AGBL4: variants seen among roughly 807,000 people sequenced by gnomAD.
AGBL4 encodes the protein AGBL carboxypeptidase 4.
Under a neutral mutation model 66.4 loss-of-function variants are expected in AGBL4, and 58 were observed. The observed-to-expected ratio is 0.87, with a 90% CI of 0.71 to 1.09. The LOEUF (loss-of-function observed/expected upper bound fraction) is 1.09, where lower values mean the gene tolerates loss of function less well. Among genes scored for constraint, AGBL4 ranks in the 50% least tolerant of loss-of-function variants. The probability of loss-of-function intolerance (pLI) is 0.00; values close to 1 mark genes in which losing one functional copy is unlikely to be tolerated. For synonymous variants in AGBL4, 234 were observed against 222.9 expected (o/e 1.05, Z -0.44); for missense variants, 579 against 631.0 (o/e 0.92, Z 0.88).
At chr1:49,288,364 T>TAA (rs759631339) in intron 3 of AGBL4, among the ~76,000 whole-genome samples, 12 of 132,738 alleles carry the variant, frequency 9.0e-5, no homozygotes, top group African/African-American at 3.3e-4. Flanking sequence ...TAAAGTATAA[T>TAA]AAAAAAAAAA....
intron 6 of AGBL4, among the ~76,000 whole-genome samples, chr1:48,746,889 G>A (rs914716704): frequency 1.3e-4 from 20 of 152,158 alleles, no homozygotes; most frequent in African/African-American, 3.1e-4. Context: ...TCAACAGAGC[G>A]CAATGTTTAG....
chr1:49,560,466 G>T (rs1319703624), intron 3 of AGBL4, among the ~76,000 whole-genome samples: 1 of 152,050 alleles, frequency 6.6e-6, no homozygotes, highest in Non-Finnish European at 1.5e-5. Flanking sequence ...CACACCTAAA[G>T]ATTCTAGAAA....
chr1:49,738,958 A>G (rs1233953271), intron 2 of AGBL4, among the ~76,000 whole-genome samples: 1 of 152,216 alleles, frequency 6.6e-6, no homozygotes, highest in East Asian at 1.9e-4. Context: ...ATGGGGAAAA[A>G]ACAGAGCAGA....
chr1:48,812,763 T>C (rs1330889856), intron 6 of AGBL4, among the ~76,000 whole-genome samples: 1 of 152,026 alleles, frequency 6.6e-6, no homozygotes, highest in Non-Finnish European at 1.5e-5. Flanking sequence ...ATATACACCA[T>C]GGAATACTAT....
At chr1:49,259,944 T>G (rs1358445330) in intron 3 of AGBL4, among the ~76,000 whole-genome samples, 3 of 151,432 alleles carry the variant, frequency 2.0e-5, no homozygotes, top group Non-Finnish European at 4.4e-5. Flanking sequence ...GAACAGAGAT[T>G]ATAACAAACT....
chr1:48,904,720 T>G (rs1652418257), intron 5 of AGBL4, among the ~76,000 whole-genome samples: 1 of 152,196 alleles, frequency 6.6e-6, no homozygotes, highest in Non-Finnish European at 1.5e-5. Context: ...TAGCATGAGG[T>G]CAGTGCTCAA....
chr1:49,358,059 T>G (rs931073885), intron 3 of AGBL4, among the ~76,000 whole-genome samples: 32 of 152,142 alleles, frequency 2.1e-4, no homozygotes, highest in Non-Finnish European at 4.0e-4. Context: ...GCAACCAGAG[T>G]AGCCAGTTTC....
At chr1:49,204,198 T>A (rs1305865269) in intron 4 of AGBL4, among the ~76,000 whole-genome samples, 2 of 152,156 alleles carry the variant, frequency 1.3e-5, no homozygotes, top group African/African-American at 4.8e-5. Flanking sequence ...GAACCAAATC[T>A]TGGCAGGCTG....
chr1:49,851,533 T>C lies in AGBL4; in HGVS notation c.35-15A>G. ...CATATCATTGCCTATTTAAAAAAAT[T>C]GAAATAAAAGTCAAAGTATATTCGG... On this transcript the variant is annotated splice_polypyrimidine_tract_variant and intron_variant, in intron 1 of 13. Transcript: ENST00000371839. 6.5e-7 allele frequency: 1 copy of C among 1,544,132 alleles called. No homozygotes were observed. Among genetic ancestry groups the C allele is most frequent in the Non-Finnish European group, 8.7e-7 (1 of 1,144,160 alleles).
At chr1:48,853,855 G>A (rs1385994827) in intron 6 of AGBL4, among the ~76,000 whole-genome samples, 1 of 152,062 alleles carries the variant, frequency 6.6e-6, no homozygotes, top group Admixed American at 6.6e-5. Context: ...ACAGACTTAT[G>A]CTGCTGCAGA....
intron 3 of AGBL4, among the ~76,000 whole-genome samples, chr1:49,487,564 GT>G (rs1203497422): frequency 6.6e-6 from 1 of 151,756 alleles, no homozygotes; most frequent in East Asian, 1.9e-4. Flanking sequence ...CTCTCACTCC[GT>G]CCTGCTGCCC....
chr1:49,488,198 G>A (rs1167302), intron 3 of AGBL4, among the ~76,000 whole-genome samples: 103,139 of 151,342 alleles, frequency 0.68, 35,947 homozygotes, highest in African/African-American at 0.77. Flanking sequence ...AAAGTTTTTC[G>A]TATAATCACC....
At chr1:49,435,071 A>C (rs1333948438) in intron 3 of AGBL4, among the ~76,000 whole-genome samples, 1 of 152,096 alleles carries the variant, frequency 6.6e-6, no homozygotes, top group Non-Finnish European at 1.5e-5. Context: ...GCCTTTCCTG[A>C]GTACTTCCTA....
At chr1:49,777,811 A>C (rs1644236436) in intron 2 of AGBL4, among the ~76,000 whole-genome samples, 1 of 152,220 alleles carries the variant, frequency 6.6e-6, no homozygotes, top group African/African-American at 2.4e-5. Flanking sequence ...GTGAAACAGT[A>C]ATTTAACTGG....
At chr1:48,646,195 C>T (rs982540416) in intron 8 of AGBL4, among the ~76,000 whole-genome samples, 1 of 152,052 alleles carries the variant, frequency 6.6e-6, no homozygotes, top group East Asian at 1.9e-4. Context: ...TGGCCTGGAT[C>T]GGGCACTGGA....
chr1:49,988,550 C>G (rs1659691693), intron 1 of AGBL4, among the ~76,000 whole-genome samples: 1 of 152,132 alleles, frequency 6.6e-6, no homozygotes, highest in African/African-American at 2.4e-5. Context: ...GAAAGGCATG[C>G]CTGCATGAAG....
chr1:49,952,130 A>G (rs1656212158), intron 1 of AGBL4, among the ~76,000 whole-genome samples: 1 of 151,904 alleles, frequency 6.6e-6, no homozygotes, highest in South Asian at 2.1e-4. Context: ...ACTGAATTTC[A>G]CACCTAAAAA....
chr1:48,888,281 A>G, intron 5 of AGBL4, among the ~76,000 whole-genome samples: 1 of 152,312 alleles, frequency 6.6e-6, no homozygotes, highest in African/African-American at 2.4e-5. Flanking sequence ...TGCTTTCTGC[A>G]TGTCAATGGG....
intron 1 of AGBL4, among the ~76,000 whole-genome samples, chr1:49,972,859 G>A (rs1299586490): frequency 6.6e-6 from 1 of 152,178 alleles, no homozygotes; most frequent in Non-Finnish European, 1.5e-5. Flanking sequence ...ATCCCCCACA[G>A]ATAAAGGGGG....
Sources: allele counts gnomAD v4.1 joint callset (sites outside exome capture counted in the v4.1 genomes callset), GRCh38; gene constraint gnomAD v4.1.1; transcripts MANE v1.5; gene names NCBI Gene and HGNC (gene_info 2026-07-23, HGNC 2026-07-21).